SLC24A2: variants seen among roughly 807,000 people sequenced by gnomAD.
The protein encoded by SLC24A2 is sodium/potassium/calcium exchanger 2.
In SLC24A2, 36 loss-of-function variants were observed where a neutral mutation model predicts 62.0. That is an observed-to-expected ratio of 0.58 (90% CI 0.44 to 0.77). SLC24A2 has a LOEUF of 0.77. Among genes scored for constraint, SLC24A2 ranks in the 30% least tolerant of loss-of-function variants. The pLI is 0.00. For missense variants in SLC24A2, 846 were observed against 817.9 expected (o/e 1.03, Z -0.42); for synonymous variants, 358 against 294.0 (o/e 1.22, Z -2.23).
the SLC24A2 span, among the ~76,000 whole-genome samples, chr9:19,917,303 G>T: frequency 6.8e-6 from 1 of 146,858 alleles, no homozygotes; most frequent in African/African-American, 2.5e-5. Context: ...CTTTGTTATG[G>T]TCTTAAAGTT....
chr9:19,945,958 G>T, the SLC24A2 span, among the ~76,000 whole-genome samples: 1 of 152,156 alleles, frequency 6.6e-6, no homozygotes, highest in African/African-American at 2.4e-5. Flanking sequence ...TCTGTGGTCT[G>T]GGAATCATCT....
At chr9:19,927,482 T>A in the SLC24A2 span, 2 of 152,204 alleles carry the variant, frequency 1.3e-5, no homozygotes, top group East Asian at 3.9e-4. Context: ...ATGATGATGA[T>A]GAATTTGGGC....
chr9:19,647,056 ACACACACGCGCG>A (rs776262958), intron 2 of SLC24A2, among the ~76,000 whole-genome samples: 13,949 of 57,672 alleles, frequency 0.24, 825 homozygotes, highest in East Asian at 0.36. Context: ...TTCCACACAC[ACACACACGCGCG>A]CACACACACA....
At chr9:19,636,330 T>TCCTTTCC (rs1554690408) in intron 2 of SLC24A2, among the ~76,000 whole-genome samples, 2 of 30,236 alleles carry the variant, frequency 6.6e-5, no homozygotes, top group African/African-American at 2.8e-4. Flanking sequence ...TTTCTTTCTT[T>TCCTTTCC]CTTTCTTTCT....
chr9:20,019,121 GAAAGAAAGAAAGAAAGAAAGAAAGAA>G, the SLC24A2 span, among the ~76,000 whole-genome samples: 2 of 73,938 alleles, frequency 2.7e-5, no homozygotes, highest in African/African-American at 1.2e-4. Flanking sequence ...AAGAAAGAAA[GAAAGAAAGAAAGAAAGAAAGAAAGAA>G]AGAAAGAAAG....
chr9:19,707,283 A>C lies in SLC24A2; in HGVS notation c.930+78654T>G, dbSNP rs921982779. On this transcript the variant is annotated intron_variant, in intron 2 of 10. Coordinates refer to ENST00000341998, the MANE Select transcript of SLC24A2 (RefSeq NM_020344.4). ...TAATCAATAGCTTACGAACCAAAAA[A>C]AGTCCAGGACCAGATGGATTCACAG... is the stretch of plus-strand genomic sequence containing the variant. Among the ~76,000 whole-genome samples the C allele has an allele frequency of 8.1e-3, 1,236 of 152,298 alleles. 18 individuals carry two copies. Among genetic ancestry groups the C allele is most frequent in the African/African-American group, 0.028 (1,177 of 41,556 alleles).
chr9:19,825,676 T>G, the SLC24A2 span, among the ~76,000 whole-genome samples: 1 of 152,182 alleles, frequency 6.6e-6, no homozygotes, highest in Non-Finnish European at 1.5e-5. Context: ...AATAGCCCAG[T>G]TGCAGTCTTA....
the SLC24A2 span, among the ~76,000 whole-genome samples, chr9:19,889,134 C>G: frequency 6.6e-6 from 1 of 152,178 alleles, no homozygotes; most frequent in East Asian, 1.9e-4. Flanking sequence ...GCTGCTGCTT[C>G]TCTTCTACCA....
At chr9:20,124,939 A>G in the SLC24A2 span, among the ~76,000 whole-genome samples, 1 of 152,222 alleles carries the variant, frequency 6.6e-6, no homozygotes. Flanking sequence ...AGCTGGAAGT[A>G]GCACCTTGTT....
intron 7 of SLC24A2, among the ~76,000 whole-genome samples, chr9:19,553,064 C>A (rs1834921527): frequency 6.6e-6 from 1 of 152,142 alleles, no homozygotes; most frequent in Non-Finnish European, 1.5e-5. Flanking sequence ...CAGGGAAGTA[C>A]AGGAACCTAG....
chr9:19,776,802 G>A (rs1380265926), intron 2 of SLC24A2, among the ~76,000 whole-genome samples: 3 of 152,174 alleles, frequency 2.0e-5, no homozygotes, highest in African/African-American at 7.2e-5. Flanking sequence ...TGCTGCTTTG[G>A]CCTGGTTAGA....
intron 4 of SLC24A2, among the ~76,000 whole-genome samples, chr9:19,603,451 A>G (rs964936410): frequency 6.6e-6 from 1 of 152,060 alleles, no homozygotes; most frequent in Non-Finnish European, 1.5e-5. Context: ...TCTTTCATAG[A>G]AACAGGAGCT....
the SLC24A2 span, among the ~76,000 whole-genome samples, chr9:20,191,266 C>T: frequency 1.3e-5 from 2 of 151,836 alleles, no homozygotes; most frequent in African/African-American, 4.8e-5. Flanking sequence ...TGATGATCTC[C>T]TTAGTAAGTA....
chr9:19,945,483 C>G, the SLC24A2 span, among the ~76,000 whole-genome samples: 1 of 152,178 alleles, frequency 6.6e-6, no homozygotes, highest in Non-Finnish European at 1.5e-5. Flanking sequence ...TTCCCCTTTT[C>G]CATGTTCATT....
At chr9:19,628,006 C>T (rs1353373347) in intron 2 of SLC24A2, among the ~76,000 whole-genome samples, 3 of 152,186 alleles carry the variant, frequency 2.0e-5, no homozygotes, top group African/African-American at 7.2e-5. Context: ...GAAATGAATT[C>T]TTTCAATGCC....
the SLC24A2 span, among the ~76,000 whole-genome samples, chr9:20,165,469 T>C: frequency 2.4e-4 from 37 of 151,796 alleles, no homozygotes; most frequent in Non-Finnish European, 1.5e-4. Flanking sequence ...GAAAGATCAA[T>C]GAAATAGAAC....
At position 19,704,078 on chromosome 9, in the gene SLC24A2, A is replaced by G. The variant is rs1286413968; in HGVS notation, c.931-81779T>C. ...TACTGGGGACCCTGTGCAATCTCCA[A>G]AAAAGATTTCAACCTTTGCTACTAA... On this transcript the variant is annotated intron_variant, in intron 2 of 10. Transcript: ENST00000341998. Among the ~76,000 whole-genome samples the G allele has an allele frequency of 2.0e-5, 3 of 152,184 alleles. 1 individual carries two copies. The highest frequency in any genetic ancestry group is 7.2e-5 in the African/African-American group (3 of 41,446).
At chr9:19,735,498 C>A (rs549677083) in intron 2 of SLC24A2, among the ~76,000 whole-genome samples, 1 of 152,208 alleles carries the variant, frequency 6.6e-6, no homozygotes. Context: ...CCAGCCATCC[C>A]ATTACTGGGT....
At chr9:19,572,139 G>A (rs950036720) in intron 7 of SLC24A2, among the ~76,000 whole-genome samples, 7 of 151,628 alleles carry the variant, frequency 4.6e-5, no homozygotes, top group African/African-American at 1.7e-4. Flanking sequence ...CGGGTGTGGT[G>A]GTGCGAGCTA....
Sources: allele counts gnomAD v4.1 joint callset (sites outside exome capture counted in the v4.1 genomes callset), GRCh38; gene constraint gnomAD v4.1.1; transcripts MANE v1.5; gene names NCBI Gene and HGNC (gene_info 2026-07-23, HGNC 2026-07-21).